The following ZMIZ1 variants were observed in gnomAD, a reference collection of about 807,000 sequenced individuals.
ZMIZ1 encodes zinc finger MIZ-type containing 1, also known as zinc finger MIZ domain-containing protein 1.
A neutral mutation model predicts 113.9 loss-of-function variants in ZMIZ1; 17 were observed. The observed-to-expected ratio is 0.15, with a 90% confidence interval of 0.10 to 0.22. The LOEUF (loss-of-function observed/expected upper bound fraction) is 0.22. Among genes scored for constraint, ZMIZ1 ranks in the 10% least tolerant of loss-of-function variants. ZMIZ1 has a pLI of 1.00. For synonymous variants in ZMIZ1, 607 were observed against 603.1 expected (o/e 1.01, Z -0.09); for missense variants, 1,059 against 1,477.8 (o/e 0.72, Z 4.65).
chr10:79,201,963 C>G (rs1308295619), intron 5 of ZMIZ1, among the ~76,000 whole-genome samples: 1 of 149,752 alleles, frequency 6.7e-6, no homozygotes, highest in Non-Finnish European at 1.5e-5. Context: ...TGTTTATGTG[C>G]AAGGATGTAG....
chr10:79,156,154 A>AAATG lies in ZMIZ1; in HGVS notation c.-130-5888_-130-5885dup, dbSNP rs528125636. 2.0e-5 allele frequency among the ~76,000 whole-genome samples: 3 copies of AAATG among 152,172 alleles called. No individual in the cohort carries two copies. The East Asian group carries it at 5.8e-4, about 29-fold the overall frequency. On this transcript the variant is annotated intron_variant, in intron 3 of 24. Coordinates refer to ENST00000334512, the MANE Select transcript of ZMIZ1 (RefSeq NM_020338.4). ...TGTCATCAGTTGTTTTTAAATAAAG[A>AAATG]AATGAATGAATGAAATGAACAACTT... is the stretch of plus-strand genomic sequence containing the variant.
chr10:79,107,493 T>C (rs1199322569), intron 1 of ZMIZ1, among the ~76,000 whole-genome samples: 1 of 152,190 alleles, frequency 6.6e-6, no homozygotes, highest in Non-Finnish European at 1.5e-5. Flanking sequence ...AGAGGTGGAT[T>C]GATCAGAGTT....
At chr10:79,176,002 C>A (rs1302542952) in intron 4 of ZMIZ1, among the ~76,000 whole-genome samples, 5 of 151,952 alleles carry the variant, frequency 3.3e-5, no homozygotes, top group African/African-American at 1.2e-4. Context: ...AAAATGTGCC[C>A]TTTGTCTAAT....
chr10:79,303,770 A>G (rs1383418998), intron 18 of ZMIZ1, among the ~76,000 whole-genome samples: 5 of 152,260 alleles, frequency 3.3e-5, no homozygotes, highest in Non-Finnish European at 5.9e-5. Context: ...AGACAGGGGA[A>G]CTGCCACAGC....
At chr10:79,273,187 AG>A (rs888130359) in intron 7 of ZMIZ1, among the ~76,000 whole-genome samples, 8 of 152,032 alleles carry the variant, frequency 5.3e-5, no homozygotes, top group African/African-American at 1.9e-4. Context: ...GCTGGAGGAG[AG>A]GGGGCAGTGG....
At chr10:79,220,705 C>T (rs1431981638) in intron 7 of ZMIZ1, among the ~76,000 whole-genome samples, 2 of 152,226 alleles carry the variant, frequency 1.3e-5, no homozygotes, top group Non-Finnish European at 2.9e-5. Context: ...GTGGCTTTCT[C>T]TGCCTTCCTG....
At chr10:79,148,859 A>G (rs935012056) in intron 3 of ZMIZ1, among the ~76,000 whole-genome samples, 5 of 152,118 alleles carry the variant, frequency 3.3e-5, no homozygotes, top group African/African-American at 1.2e-4. Flanking sequence ...GGCCCTTGGC[A>G]GTTTCCAATT....
intron 6 of ZMIZ1, among the ~76,000 whole-genome samples, chr10:79,212,743 G>A (rs951126304): frequency 2.0e-5 from 3 of 150,460 alleles, no homozygotes; most frequent in African/African-American, 2.5e-5. Context: ...GCAACAGAGC[G>A]GGACTCTGTC....
In ZMIZ1 at chr10:79,299,180, G is replaced by A. The variant is rs761406092; in HGVS notation, c.1797G>A (p.Thr599=). The stretch of plus-strand genomic sequence containing the variant: ...ACCTGCGGCCCACGGTCCACCAGAC[G>A]CTGATGTGGAGGTGCGTGTCAGGGC... The part of the protein sequence containing the change: ...VFHLRPTVHQ[T]LMWRSDLELQ... Residue 599 remains threonine (T), a synonymous_variant, in exon 16 of 25, where the codon ACG becomes ACA. Transcript: ENST00000334512. 5.0e-6 allele frequency: 8 copies of A among 1,605,630 alleles called. No homozygotes were observed. Among genetic ancestry groups the A allele is most frequent in the Admixed American group, 3.3e-5 (2 of 59,882 alleles).
intron 1 of ZMIZ1, among the ~76,000 whole-genome samples, chr10:79,100,779 G>T (rs774806938): frequency 6.4e-4 from 98 of 152,308 alleles, no homozygotes; most frequent in Non-Finnish European, 1.3e-3. Flanking sequence ...GCTGGTAGGG[G>T]GTGAGGATGG....
intron 20 of ZMIZ1, 80 bp from the exon 21 acceptor site, chr10:79,305,453 C>T (rs1854622389): frequency 6.0e-6 from 9 of 1,496,776 alleles, no homozygotes; most frequent in Non-Finnish European, 9.3e-7. Context: ...TGGGACCCCA[C>T]TGACACTGAG....
intron 4 of ZMIZ1, among the ~76,000 whole-genome samples, chr10:79,195,197 G>A (rs1847784016): frequency 6.6e-6 from 1 of 152,248 alleles, no homozygotes; most frequent in Non-Finnish European, 1.5e-5. Context: ...AATCCTAAGA[G>A]GCTGGTATTT....
At chr10:79,280,768 G>C (rs957265432) in intron 8 of ZMIZ1, among the ~76,000 whole-genome samples, 5 of 150,296 alleles carry the variant, frequency 3.3e-5, no homozygotes, top group Non-Finnish European at 7.4e-5. Flanking sequence ...CTCACCTTTG[G>C]TTAAGGACCG....
chr10:79,180,983 A>T (rs703985), intron 4 of ZMIZ1, among the ~76,000 whole-genome samples: 49,510 of 152,076 alleles, frequency 0.33, 8,969 homozygotes, highest in Non-Finnish European at 0.41. Flanking sequence ...CTTTTTTCTG[A>T]TGGGGAAACA....
At chr10:79,155,781 C>T (rs1459955970) in intron 3 of ZMIZ1, among the ~76,000 whole-genome samples, 1 of 152,252 alleles carries the variant, frequency 6.6e-6, no homozygotes, top group Non-Finnish European at 1.5e-5. Context: ...CTGATGCCCT[C>T]TGCAGCTCTC....
chr10:79,137,439 G>A (rs969104862), intron 2 of ZMIZ1, among the ~76,000 whole-genome samples: 1 of 152,228 alleles, frequency 6.6e-6, no homozygotes, highest in Non-Finnish European at 1.5e-5. Flanking sequence ...GGCCAGCCCT[G>A]CTGCTCCTAC....
intron 2 of ZMIZ1, among the ~76,000 whole-genome samples, chr10:79,125,552 T>C (rs1481646107): frequency 6.6e-6 from 1 of 152,206 alleles, no homozygotes; most frequent in Non-Finnish European, 1.5e-5. Flanking sequence ...ACTGGCTCTT[T>C]TTGAGCTCTG....
At chr10:79,291,599 A>G (rs528178571) in intron 10 of ZMIZ1, among the ~76,000 whole-genome samples, 73 of 152,370 alleles carry the variant, frequency 4.8e-4, no homozygotes, top group African/African-American at 1.7e-3. Context: ...TGAAAGCAGA[A>G]CTATGCAGAG....
chr10:79,179,105 A>T (rs558722218), intron 4 of ZMIZ1, among the ~76,000 whole-genome samples: 1 of 152,372 alleles, frequency 6.6e-6, no homozygotes, highest in South Asian at 2.1e-4. Flanking sequence ...GGAACCCAGG[A>T]TGGAGAAGAA....
Sources: allele counts gnomAD v4.1 joint callset (sites outside exome capture counted in the v4.1 genomes callset), GRCh38; gene constraint gnomAD v4.1.1; transcripts MANE v1.5; gene names NCBI Gene and HGNC (gene_info 2026-07-23, HGNC 2026-07-21).